Variants in MGAT4A observed in about 807,000 individuals in gnomAD.
MGAT4A encodes the protein alpha-1,3-mannosyl-glycoprotein 4-beta-N-acetylglucosaminyltransferase A, also known as N-acetylglucosaminyltransferase IVa.
In MGAT4A, 33 loss-of-function variants were observed where a neutral mutation model predicts 74.1. That is an observed-to-expected ratio of 0.45 (90% CI 0.34 to 0.60). MGAT4A has a LOEUF of 0.60. Ranked by LOEUF, MGAT4A falls within the 20% of genes least tolerant of loss-of-function variation. The pLI, the probability that MGAT4A is intolerant of heterozygous loss-of-function variation, is 0.02. For missense variants in MGAT4A, 479 were observed against 628.3 expected (o/e 0.76, Z 2.54); for synonymous variants, 198 against 210.4 (o/e 0.94, Z 0.51).
chr2:98,686,086 C>T (rs554157859), intron 2 of MGAT4A, among the ~76,000 whole-genome samples: 37 of 152,166 alleles, frequency 2.4e-4, no homozygotes, highest in South Asian at 1.2e-3. Flanking sequence ...TCCAAGTATC[C>T]AGTGAACACC....
intron 8 of MGAT4A, among the ~76,000 whole-genome samples, chr2:98,651,534 A>G (rs1701578015): frequency 6.6e-6 from 1 of 152,336 alleles, no homozygotes; most frequent in African/African-American, 2.4e-5. Flanking sequence ...TTGCAATGGT[A>G]ACTACAAAAT....
chr2:98,682,655 A>T (rs1702077181), intron 2 of MGAT4A, among the ~76,000 whole-genome samples: 1 of 152,232 alleles, frequency 6.6e-6, no homozygotes, highest in African/African-American at 2.4e-5. Flanking sequence ...TAAAGTTGGC[A>T]ATAATGGGAC....
chr2:98,650,767 G>A (rs375588214), intron 8 of MGAT4A, among the ~76,000 whole-genome samples: 3 of 152,148 alleles, frequency 2.0e-5, no homozygotes, highest in East Asian at 3.9e-4. Context: ...CCTGAACAAC[G>A]CGGTGAAACC....
In MGAT4A at chr2:98,624,980, C is replaced by T; in HGVS notation, c.*586G>A. 1 of 985,206 alleles carries T rather than the reference C, an allele frequency of 1.0e-6. No homozygotes were observed. Among genetic ancestry groups the T allele is most frequent in the Middle Eastern group, 5.2e-4 (1 of 1,910 alleles). 61.0% of individuals were successfully genotyped at this position (985,206 alleles called of 1,614,324 possible). A position where few individuals can be genotyped will look rare whatever the true frequency, so the allele number is the denominator to read the frequency against. ...AAATGGCAGTGCATTTGAAAAATGG[C>T]ATTGGTTTGTAATGTTTGCATTTCC... is the stretch of plus-strand genomic sequence containing the variant. On this transcript the variant is annotated 3_prime_UTR_variant, in exon 16 of 16. Transcript: ENST00000393487.
At chr2:98,726,188 A>T in intron 2 of MGAT4A, 51 bp downstream of exon 2, 1 of 1,489,118 alleles carries the variant, frequency 6.7e-7, no homozygotes, top group Non-Finnish European at 9.3e-7. Context: ...ACCTTAACCA[A>T]GCAAAAACCC....
intron 9 of MGAT4A, among the ~76,000 whole-genome samples, chr2:98,644,901 T>C (rs1023212529): frequency 1.3e-5 from 2 of 152,216 alleles, no homozygotes; most frequent in Non-Finnish European, 2.9e-5. Context: ...CCCAAAGTGC[T>C]GGGATTACAG....
intron 2 of MGAT4A, among the ~76,000 whole-genome samples, chr2:98,688,706 T>C (rs1702159301): frequency 6.6e-6 from 1 of 152,126 alleles, no homozygotes; most frequent in Admixed American, 6.5e-5. Flanking sequence ...CTGGATAAGC[T>C]TGGGAGTGTA....
At chr2:98,627,390 C>A (rs76366643) in intron 14 of MGAT4A, among the ~76,000 whole-genome samples, 6 of 149,908 alleles carry the variant, frequency 4.0e-5, no homozygotes, top group Non-Finnish European at 8.9e-5. Context: ...TTTTTTTTTT[C>A]TTTGAGATAG....
At chr2:98,720,305 A>G (rs1702649077) in intron 2 of MGAT4A, among the ~76,000 whole-genome samples, 1 of 152,194 alleles carries the variant, frequency 6.6e-6, no homozygotes, top group Admixed American at 6.5e-5. Context: ...GACCCTCACC[A>G]ATGTGGGTGG....
intron 2 of MGAT4A, among the ~76,000 whole-genome samples, chr2:98,700,856 A>G (rs550814121): frequency 5.3e-5 from 8 of 149,764 alleles, no homozygotes; most frequent in African/African-American, 1.7e-4. Context: ...GCGCCACTAC[A>G]CTCCAGTCTG....
At chr2:98,646,573 G>T (rs1444741835) in intron 8 of MGAT4A, among the ~76,000 whole-genome samples, 1 of 152,106 alleles carries the variant, frequency 6.6e-6, no homozygotes, top group Non-Finnish European at 1.5e-5. Context: ...CAGGCATGGG[G>T]GTGGGTACCT....
intron 12 of MGAT4A, among the ~76,000 whole-genome samples, chr2:98,638,031 G>A (rs2104230535): frequency 6.6e-6 from 1 of 152,290 alleles, no homozygotes; most frequent in Non-Finnish European, 1.5e-5. Context: ...GGGGTGATGG[G>A]TACACAGGAT....
Position 98,619,312 on chromosome 2 carries a change from A to G in MGAT4A, c.*6254T>C, listed in dbSNP as rs1701010322. 1 of 152,592 alleles carries G rather than the reference A, an allele frequency of 6.6e-6. No individual in the cohort carries two copies. Among genetic ancestry groups the G allele is most frequent in the Non-Finnish European group, 1.5e-5 (1 of 68,034 alleles). 9.5% of individuals were successfully genotyped at this position (152,592 alleles called of 1,614,324 possible). Reference sequence around the variant, plus strand: ...TAAAAATCCAACAAGTACCTAAAATATTACTACGGATAGGAATCATTCAGC... The same window carrying G: ...TAAAAATCCAACAAGTACCTAAAATGTTACTACGGATAGGAATCATTCAGC... On this transcript the variant is annotated 3_prime_UTR_variant, in exon 16 of 16. Transcript: ENST00000393487.
chr2:98,619,384 A>G lies in MGAT4A; in HGVS notation c.*6182T>C, dbSNP rs1473632425. 2 of 152,298 alleles carry G rather than the reference A, an allele frequency of 1.3e-5. No individual in the cohort carries two copies. Among genetic ancestry groups the G allele is most frequent in the African/African-American group, 4.8e-5 (2 of 41,458 alleles). The allele number at this position is 152,298 out of a possible 1,614,324, so 9.4% of individuals were successfully genotyped here. ...AATATATACAATACATTTAAGAAAA[A>G]AAAAAATCTGGTACAACCTGGCAAG... On this transcript the variant is annotated 3_prime_UTR_variant, in exon 16 of 16. Coordinates refer to ENST00000393487, the MANE Select transcript of MGAT4A (RefSeq NM_012214.3).
intron 10 of MGAT4A, 72 bp from the exon 11 acceptor site, chr2:98,640,300 A>G: frequency 8.0e-7 from 1 of 1,245,780 alleles, no homozygotes; most frequent in Non-Finnish European, 1.1e-6. Flanking sequence ...GAAAATGAGA[A>G]GTCCTTTATT....
At chr2:98,652,819 G>A (rs1701601799) in intron 8 of MGAT4A, among the ~76,000 whole-genome samples, 1 of 151,704 alleles carries the variant, frequency 6.6e-6, no homozygotes, top group South Asian at 2.1e-4. Context: ...ATTTCGTCAT[G>A]TTGCCCAGAC....
chr2:98,694,586 G>A (rs1383176965), intron 2 of MGAT4A: 2 of 152,368 alleles, frequency 1.3e-5, no homozygotes, highest in African/African-American at 4.8e-5. Context: ...CACTTTGGGA[G>A]GCCGAGGTGG....
intron 14 of MGAT4A, among the ~76,000 whole-genome samples, chr2:98,630,794 T>C (rs927973413): frequency 1.3e-5 from 2 of 152,050 alleles, no homozygotes; most frequent in African/African-American, 4.8e-5. Flanking sequence ...AAGCAGTGGG[T>C]AGGAGAAGAA....
chr2:98,714,684 A>G (rs920245776), intron 2 of MGAT4A, among the ~76,000 whole-genome samples: 7 of 152,200 alleles, frequency 4.6e-5, no homozygotes, highest in Non-Finnish European at 1.5e-5. Context: ...GGTAGAGAAA[A>G]TACAGGACAA....
Sources: gnomAD v4.1 joint callset for allele counts (sites outside exome capture counted in the v4.1 genomes callset) on GRCh38, gnomAD v4.1.1 for gene constraint, MANE v1.5 for transcripts, NCBI Gene and HGNC (gene_info 2026-07-23, HGNC 2026-07-21) for gene names.